CYBRD1: variants seen among roughly 807,000 people sequenced by gnomAD.
CYBRD1 encodes the protein cytochrome b reductase 1, also known as plasma membrane ascorbate-dependent reductase CYBRD1.
Under a neutral mutation model 21.9 loss-of-function variants are expected in CYBRD1, and 14 were observed. The ratio of observed to expected loss-of-function variants is 0.64; its 90% CI spans 0.42 to 1.00. CYBRD1 has a LOEUF of 1.00. CYBRD1 is among the 50% of genes least tolerant of loss of function. CYBRD1 has a pLI of 0.00. For missense variants in CYBRD1, 328 were observed against 352.5 expected, an observed-to-expected ratio of 0.93 and a Z score of 0.56; for synonymous variants, 146 against 136.5, an observed-to-expected ratio of 1.07 and a Z score of -0.48.
At chr2:171,550,107 T>C (rs1317757705) in intron 2 of CYBRD1, among the ~76,000 whole-genome samples, 1 of 152,086 alleles carries the variant, frequency 6.6e-6, no homozygotes, top group African/African-American at 2.4e-5. Flanking sequence ...TTTTATTTTT[T>C]TGTTGTTGTT....
rs200097869 is a variant in CYBRD1, at chr2:171,554,500, T to C, written c.558-24T>C. ...TGTTGCTGTATCATCCTGTTTGTAATTGGATACATCTCTTATTTCATAGGA... is the reference window on the plus strand; with the variant it reads ...TGTTGCTGTATCATCCTGTTTGTAACTGGATACATCTCTTATTTCATAGGA... On this transcript the variant is annotated intron_variant, in intron 3 of 3. Coordinates refer to ENST00000321348, the MANE Select transcript of CYBRD1 (RefSeq NM_024843.4). The C allele has an allele frequency of 1.2e-5, 20 of 1,612,270 alleles. No homozygotes were observed. The East Asian group carries it at 3.1e-4, about 25-fold the overall frequency.
In CYBRD1 at chr2:171,557,211, C is replaced by T. The variant is rs2105350640; in HGVS notation, c.*2384C>T. 1 of 152,130 alleles carries T rather than the reference C, an allele frequency of 6.6e-6. No homozygotes were observed. Among genetic ancestry groups the T allele is most frequent in the South Asian group, 2.1e-4 (1 of 4,796 alleles). 9.4% of individuals were successfully genotyped at this position (152,130 alleles called of 1,614,324 possible). ...CTTTTGATTCTAATGATAATTGTAC[C>T]TTTATCTTTCAAAAGCTGATATTTC... On this transcript the variant is annotated 3_prime_UTR_variant, in exon 4 of 4. Transcript: ENST00000321348.
chr2:171,540,023 G>A lies in CYBRD1; in HGVS notation c.194-1562G>A, dbSNP rs140721376. 2.6e-5 allele frequency among the ~76,000 whole-genome samples: 4 copies of A among 152,018 alleles called. 1 individual carries two copies. Among genetic ancestry groups the A allele is most frequent in the Middle Eastern group, 6.3e-3 (2 of 316 alleles). The stretch of plus-strand genomic sequence containing the variant: ...TGGGATTACAGGCGTGAGCCACCGC[G>A]CCAGGCCATAAAAAACTTAATTGGA... On this transcript the variant is annotated intron_variant, in intron 1 of 3. Transcript: ENST00000321348.
At chr2:171,544,170 A>G (rs1390882923) in intron 2 of CYBRD1, among the ~76,000 whole-genome samples, 2 of 152,194 alleles carry the variant, frequency 1.3e-5, no homozygotes, top group Admixed American at 6.5e-5. Context: ...TTTATCTTCT[A>G]AGACACACCT....
At chr2:171,527,576 G>T (rs1211248303) in intron 1 of CYBRD1, among the ~76,000 whole-genome samples, 1 of 152,180 alleles carries the variant, frequency 6.6e-6, no homozygotes, top group Non-Finnish European at 1.5e-5. Flanking sequence ...CCTCCAGGAA[G>T]AATGGACATC....
chr2:171,523,734 C>A (rs1244767675), intron 1 of CYBRD1, among the ~76,000 whole-genome samples: 1 of 22,444 alleles, frequency 4.5e-5, no homozygotes, highest in Admixed American at 4.6e-4. Context: ...TAGTGCCTCT[C>A]AATGTCCTGA....
chr2:171,553,529 T>A, intron 3 of CYBRD1, 29 bp downstream of exon 3: 1 of 1,582,902 alleles, frequency 6.3e-7, no homozygotes. Context: ...TTAATTGTAA[T>A]ACTTAAGCCA....
intron 2 of CYBRD1, among the ~76,000 whole-genome samples, chr2:171,543,721 T>A (rs891816985): frequency 1.6e-4 from 25 of 152,180 alleles, no homozygotes; most frequent in African/African-American, 2.4e-4. Context: ...AAACTTTTTT[T>A]AAAAAATGGT....
Position 171,555,088 on chromosome 2 carries a change from C to G in CYBRD1, c.*261C>G. Reference sequence around the variant, plus strand: ...CTTGTTGAGGACCACAACATTAGCACGGTGCCTTGTGCAGAATAGATACTC... The same window carrying G: ...CTTGTTGAGGACCACAACATTAGCAGGGTGCCTTGTGCAGAATAGATACTC... On this transcript the variant is annotated 3_prime_UTR_variant, in exon 4 of 4. Transcript: ENST00000321348. 2.0e-6 allele frequency: 1 copy of G among 498,514 alleles called. No individual in the cohort carries two copies. The highest frequency in any genetic ancestry group is 2.1e-5 in the South Asian group (1 of 47,644). The allele number at this position is 498,514 out of a possible 1,614,324, so 30.9% of individuals were successfully genotyped here.
intron 1 of CYBRD1, 24 bp from the exon 2 acceptor site, chr2:171,541,561 C>A (rs771557381): frequency 1.0e-5 from 16 of 1,606,614 alleles, no homozygotes; most frequent in Non-Finnish European, 1.3e-5. Context: ...AAAACACATT[C>A]TGTGTCCTTT....
chr2:171,557,964 C>G lies in CYBRD1; in HGVS notation c.*3137C>G, dbSNP rs1683517394. On this transcript the variant is annotated 3_prime_UTR_variant, in exon 4 of 4. Transcript: ENST00000321348. ...AAAGAACATTATTGTTCTTTAATTC[C>G]TACAAGGTACTCGAAAACCTTAAGT... 6.6e-6 allele frequency: 1 copy of G among 151,970 alleles called. No individual in the cohort carries two copies. The highest frequency in any genetic ancestry group is 1.5e-5 in the Non-Finnish European group (1 of 68,004). 9.4% of individuals were successfully genotyped at this position (151,970 alleles called of 1,614,324 possible).
Position 171,532,191 on chromosome 2 carries a change from G to A in CYBRD1, c.194-9394G>A, listed in dbSNP as rs146945413. ...TGGATAGAATCTGGTAAGCTCTTGC[G>A]TGCAGAGGGAAATGAGTTGTGGAGA... is the stretch of plus-strand genomic sequence containing the variant. On this transcript the variant is annotated intron_variant, in intron 1 of 3. Coordinates refer to ENST00000321348, the MANE Select transcript of CYBRD1 (RefSeq NM_024843.4). Among the ~76,000 whole-genome samples, 388 of 152,328 alleles carry A rather than the reference G, an allele frequency of 2.5e-3. 3 individuals carry two copies. The highest frequency in any genetic ancestry group is 8.9e-3 in the African/African-American group (372 of 41,572).
intron 1 of CYBRD1, among the ~76,000 whole-genome samples, chr2:171,531,154 C>CAA (rs5836342): frequency 0.012 from 1,364 of 114,424 alleles, 31 homozygotes; most frequent in African/African-American, 0.029. Context: ...GACCCTGTCT[C>CAA]AAAAAAAAAA....
Position 171,522,581 on chromosome 2 carries a change from G to C in CYBRD1, c.36G>C (p.Leu12=). 3 of 1,610,872 alleles carry C rather than the reference G, an allele frequency of 1.9e-6. No individual in the cohort carries two copies. The highest frequency in any genetic ancestry group is 2.5e-6 in the Non-Finnish European group (3 of 1,179,004). Residue 12 remains leucine, a synonymous_variant, in exon 1 of 4, where the codon CTG becomes CTC. Transcript: ENST00000321348. This position sits in a 1 kb window ranked among gnomAD's most constrained non-coding sequence, Gnocchi z 4.3. ...AGGGCTACTGGCGCTTCCTGGCGCTGCTGGGGTCGGCACTGCTCGTCGGCT... is the reference window on the plus strand; with the variant it reads ...AGGGCTACTGGCGCTTCCTGGCGCTCCTGGGGTCGGCACTGCTCGTCGGCT... ...AMEGYWRFLA[L]LGSALLVGFL...
intron 1 of CYBRD1, among the ~76,000 whole-genome samples, chr2:171,527,728 C>T (rs1353678791): frequency 2.0e-5 from 3 of 152,168 alleles, no homozygotes; most frequent in Admixed American, 2.0e-4. Flanking sequence ...CCCCAACTGG[C>T]TTATTTCCAA....
chr2:171,537,154 T>C (rs537281927), intron 1 of CYBRD1, among the ~76,000 whole-genome samples: 1 of 152,266 alleles, frequency 6.6e-6, no homozygotes, highest in East Asian at 1.9e-4. Flanking sequence ...TGTGTGTGTG[T>C]TTGTGTGTCT....
chr2:171,524,635 G>A (rs934128159), intron 1 of CYBRD1, among the ~76,000 whole-genome samples: 5 of 152,288 alleles, frequency 3.3e-5, no homozygotes, highest in Admixed American at 2.6e-4. Context: ...AGGCAGAGAA[G>A]TTATGTAACT....
chr2:171,551,302 A>G (rs1293531049), intron 2 of CYBRD1, among the ~76,000 whole-genome samples: 1 of 152,198 alleles, frequency 6.6e-6, no homozygotes, highest in East Asian at 1.9e-4. Context: ...GCCCTTTGAT[A>G]CTAATAGAAT....
At chr2:171,523,042 G>A (rs1403032239) in intron 1 of CYBRD1, 1 of 406,626 alleles carries the variant, frequency 2.5e-6, no homozygotes. Flanking sequence ...TCTTTGCGGC[G>A]ACTGGCTAGG....
Sources: allele counts gnomAD v4.1 joint callset (sites outside exome capture counted in the v4.1 genomes callset), GRCh38; gene constraint gnomAD v4.1.1; non-coding constraint Gnocchi (gnomAD v3.1); transcripts MANE v1.5; gene names NCBI Gene and HGNC (gene_info 2026-07-23, HGNC 2026-07-21).